The following EPHA3 variants were observed in gnomAD, a reference collection of about 807,000 sequenced individuals.
EPHA3 encodes EPH receptor A3, also known as ephrin type-A receptor 3.
Under a neutral mutation model 107.1 loss-of-function variants are expected in EPHA3, and 42 were observed. The observed-to-expected ratio is 0.39, with a 90% confidence interval of 0.31 to 0.51. EPHA3 has a LOEUF of 0.51. Ranked by LOEUF, EPHA3 falls within the 20% of genes least tolerant of loss-of-function variation. The pLI is 0.78. For synonymous variants in EPHA3, 461 were observed against 424.8 expected (o/e 1.09, Z -1.05); for missense variants, 1,183 against 1,211.2 (o/e 0.98, Z 0.35).
At chr3:89,333,542 A>T (rs1236684776) in intron 3 of EPHA3, among the ~76,000 whole-genome samples, 2 of 152,160 alleles carry the variant, frequency 1.3e-5, no homozygotes, top group South Asian at 4.1e-4. Context: ...TTAAACTTGA[A>T]GAGCTGAAGA....
intron 3 of EPHA3, among the ~76,000 whole-genome samples, chr3:89,321,848 A>T (rs550334752): frequency 6.6e-6 from 1 of 152,262 alleles, no homozygotes; most frequent in East Asian, 1.9e-4. Context: ...GCTTCTTGAT[A>T]AAAAGTCATT....
In EPHA3 at chr3:89,312,832, G is replaced by A. The variant is rs565988049; in HGVS notation, c.815-28084G>A. ...CTCCCACTTATAAGTGAGAATATGC[G>A]GTGTTTGGTTTTCTGTTCCTGTGTT... is the stretch of plus-strand genomic sequence containing the variant. On this transcript the variant is annotated intron_variant, in intron 3 of 16. Coordinates refer to ENST00000336596, the MANE Select transcript of EPHA3 (RefSeq NM_005233.6). Among the ~76,000 whole-genome samples the A allele has an allele frequency of 1.3e-4, 19 of 151,898 alleles. No homozygotes were observed. The East Asian group carries it at 1.4e-3, about 11-fold the overall frequency.
chr3:89,332,905 C>A (rs998538250), intron 3 of EPHA3, among the ~76,000 whole-genome samples: 3 of 151,772 alleles, frequency 2.0e-5, no homozygotes, highest in Admixed American at 2.0e-4. Flanking sequence ...TTAATTAGGA[C>A]CATGTTTCTT....
intron 7 of EPHA3, among the ~76,000 whole-genome samples, chr3:89,402,401 T>C (rs1033030435): frequency 6.6e-6 from 1 of 152,164 alleles, no homozygotes; most frequent in African/African-American, 2.4e-5. Flanking sequence ...CATTTTAATC[T>C]TTTTACAAAA....
intron 5 of EPHA3, among the ~76,000 whole-genome samples, chr3:89,367,085 A>G (rs1438583751): frequency 4.0e-5 from 6 of 150,608 alleles, no homozygotes; most frequent in Admixed American, 2.0e-4. Context: ...CATCTGTTTT[A>G]CAAAGTACCT....
chr3:89,273,317 G>A (rs1705724349), intron 3 of EPHA3, among the ~76,000 whole-genome samples: 1 of 151,854 alleles, frequency 6.6e-6, no homozygotes, highest in African/African-American at 2.4e-5. Flanking sequence ...GTAAGTCATT[G>A]TTATTTTCTT....
chr3:89,477,436 T>C (rs1710538960), intron 16 of EPHA3, among the ~76,000 whole-genome samples: 1 of 152,218 alleles, frequency 6.6e-6, no homozygotes, highest in Non-Finnish European at 1.5e-5. Context: ...GTTAATTTAA[T>C]GCCCTAATGC....
intron 2 of EPHA3, among the ~76,000 whole-genome samples, chr3:89,171,914 T>C (rs2107099016): frequency 6.6e-6 from 1 of 152,242 alleles, no homozygotes; most frequent in East Asian, 1.9e-4. Context: ...CTGACCATAA[T>C]CTTTCTATAG....
rs186572838 is a variant in EPHA3 at position 89,304,505 on chromosome 3, T to C, written c.815-36411T>C. Among the ~76,000 whole-genome samples, 366 of 152,056 alleles carry C rather than the reference T, an allele frequency of 2.4e-3. 1 individual carries two copies. The highest frequency in any genetic ancestry group is 8.2e-3 in the African/African-American group (341 of 41,482). On this transcript the variant is annotated intron_variant, in intron 3 of 16. Transcript: ENST00000336596. ...TAGACCCCTTGATGTTCCTCAAATA[T>C]ATCCTCACCTTTGGGATTTGCCCTG...
chr3:89,322,481 A>G (rs979366666), intron 3 of EPHA3, among the ~76,000 whole-genome samples: 1 of 152,088 alleles, frequency 6.6e-6, no homozygotes, highest in African/African-American at 2.4e-5. Flanking sequence ...TTACTGAGAA[A>G]AAAGACTGGG....
intron 2 of EPHA3, among the ~76,000 whole-genome samples, chr3:89,207,101 T>A (rs1447229447): frequency 6.6e-6 from 1 of 152,190 alleles, no homozygotes; most frequent in African/African-American, 2.4e-5. Context: ...GTTTTTAAAC[T>A]GTGATTGTCA....
At chr3:89,227,301 T>A (rs1409190077) in intron 3 of EPHA3, among the ~76,000 whole-genome samples, 1 of 152,036 alleles carries the variant, frequency 6.6e-6, no homozygotes, top group Admixed American at 6.6e-5. Context: ...AAAATTTCTT[T>A]GAGAAACAAA....
At chr3:89,418,400 G>T (rs963595735) in intron 10 of EPHA3, among the ~76,000 whole-genome samples, 5 of 151,272 alleles carry the variant, frequency 3.3e-5, no homozygotes, top group South Asian at 2.1e-4. Flanking sequence ...CAAATGTAAT[G>T]AATTGATGAT....
At chr3:89,285,249 ATC>A (rs1309047599) in intron 3 of EPHA3, among the ~76,000 whole-genome samples, 1 of 152,188 alleles carries the variant, frequency 6.6e-6, no homozygotes, top group African/African-American at 2.4e-5. Flanking sequence ...CTAATGATCC[ATC>A]TCTCTCAATA....
At chr3:89,251,246 TAA>T (rs1210763112) in intron 3 of EPHA3, among the ~76,000 whole-genome samples, 2 of 152,058 alleles carry the variant, frequency 1.3e-5, no homozygotes, top group Non-Finnish European at 2.9e-5. Flanking sequence ...AAAAACAAGA[TAA>T]GAGAAAAACA....
chr3:89,242,958 T>C (rs1181391478), intron 3 of EPHA3, among the ~76,000 whole-genome samples: 1 of 128,906 alleles, frequency 7.8e-6, no homozygotes, highest in Non-Finnish European at 1.6e-5. Context: ...CCTGTGTCCA[T>C]GTGTTCTCAT....
At chr3:89,404,799 C>A (rs575798924) in intron 7 of EPHA3, among the ~76,000 whole-genome samples, 1 of 152,166 alleles carries the variant, frequency 6.6e-6, no homozygotes, top group African/African-American at 2.4e-5. Flanking sequence ...TAGTTCCCTT[C>A]CCAGTTTCAC....
At chr3:89,470,792 G>A (rs1447884947) in intron 15 of EPHA3, among the ~76,000 whole-genome samples, 4 of 152,330 alleles carry the variant, frequency 2.6e-5, no homozygotes, top group Non-Finnish European at 5.9e-5. Flanking sequence ...CTAAAGGCCA[G>A]CTCTGCCTCT....
intron 9 of EPHA3, among the ~76,000 whole-genome samples, chr3:89,412,605 T>C (rs1709176398): frequency 6.6e-6 from 1 of 151,726 alleles, no homozygotes; most frequent in Admixed American, 6.6e-5. Flanking sequence ...TGGGACATTT[T>C]GATTGTGAAT....
Sources: gnomAD v4.1 joint callset for allele counts (sites outside exome capture counted in the v4.1 genomes callset) on GRCh38, gnomAD v4.1.1 for gene constraint, MANE v1.5 for transcripts, NCBI Gene and HGNC (gene_info 2026-07-23, HGNC 2026-07-21) for gene names.